UBE3C: variants seen among roughly 807,000 people sequenced by gnomAD.
The protein encoded by UBE3C is ubiquitin protein ligase E3C.
A neutral mutation model predicts 129.4 loss-of-function variants in UBE3C; 42 were observed. That is an observed-to-expected ratio of 0.32 (90% CI 0.25 to 0.42). UBE3C has a LOEUF of 0.42. UBE3C is among the 10% of genes least tolerant of loss of function. The pLI is 1.00. For synonymous variants in UBE3C, 510 were observed against 492.4 expected (o/e 1.04, Z -0.47); for missense variants, 1,049 against 1,319.1 (o/e 0.80, Z 3.17).
At chr7:157,259,753 C>T (rs1373914971) in intron 22 of UBE3C, among the ~76,000 whole-genome samples, 4 of 152,104 alleles carry the variant, frequency 2.6e-5, no homozygotes, top group Admixed American at 2.0e-4. Context: ...AGAAGTGGAG[C>T]GACCCAAAAC....
At chr7:157,242,094 G>C (rs1266006669) in intron 18 of UBE3C, among the ~76,000 whole-genome samples, 2 of 152,162 alleles carry the variant, frequency 1.3e-5, no homozygotes, top group Non-Finnish European at 1.5e-5. Context: ...ACAACTTTAC[G>C]AATATAATAA....
At position 157,258,882 on chromosome 7, in the gene UBE3C, A is replaced by G. The variant is rs77735825; in HGVS notation, c.3081+1838A>G. On this transcript the variant is annotated intron_variant, in intron 22 of 22. Coordinates refer to ENST00000348165, the MANE Select transcript of UBE3C (RefSeq NM_014671.3). ...ATAACTTCTAAACCCGCACTGACCA[A>G]TTGTTAACATTTTGCTACATTTACT... Among the ~76,000 whole-genome samples the G allele has an allele frequency of 3.5e-3, 533 of 152,332 alleles. 2 individuals are homozygous for G. The highest frequency in any genetic ancestry group is 0.012 in the African/African-American group (497 of 41,578).
chr7:157,205,870 C>A (rs1223009089), intron 11 of UBE3C, among the ~76,000 whole-genome samples: 1 of 152,170 alleles, frequency 6.6e-6, no homozygotes, highest in African/African-American at 2.4e-5. Flanking sequence ...GCAGTGCCCT[C>A]CCCTGAACCA....
chr7:157,248,631 C>T (rs370403608), intron 19 of UBE3C, 51 bp downstream of exon 19: 92 of 1,577,240 alleles, frequency 5.8e-5, no homozygotes, highest in Non-Finnish European at 7.6e-5. Context: ...GTAGCAGCAT[C>T]TCCTTGTGTG....
intron 10 of UBE3C, among the ~76,000 whole-genome samples, chr7:157,191,216 C>T (rs1207840646): frequency 6.6e-6 from 1 of 152,208 alleles, no homozygotes; most frequent in African/African-American, 2.4e-5. Context: ...CAGCGGTGCG[C>T]CTCGAAGCGC....
intron 11 of UBE3C, among the ~76,000 whole-genome samples, chr7:157,205,260 A>G (rs1037953709): frequency 6.6e-6 from 1 of 152,204 alleles, no homozygotes; most frequent in African/African-American, 2.4e-5. Flanking sequence ...TAAAGTAAAA[A>G]TGATGCATTC....
chr7:157,255,428 G>T (rs114011332), intron 21 of UBE3C, among the ~76,000 whole-genome samples: 1,722 of 152,288 alleles, frequency 0.011, 34 homozygotes, highest in African/African-American at 0.039. Context: ...GTATCCATGC[G>T]TATGTATCTC....
At chr7:157,191,515 A>G (rs1808966390) in intron 10 of UBE3C, among the ~76,000 whole-genome samples, 1 of 152,092 alleles carries the variant, frequency 6.6e-6, no homozygotes, top group Non-Finnish European at 1.5e-5. Flanking sequence ...GGTCTCGAAC[A>G]CCTGGGCCCA....
chr7:157,172,345 A>T (rs1234098155), intron 4 of UBE3C, among the ~76,000 whole-genome samples: 1 of 152,172 alleles, frequency 6.6e-6, no homozygotes, highest in Non-Finnish European at 1.5e-5. Flanking sequence ...GGTTAAATAT[A>T]TAATTTATTT....
At position 157,184,072 on chromosome 7, in the gene UBE3C, G is replaced by A. The variant is rs12112208; in HGVS notation, c.1143+43G>A. On this transcript the variant is annotated intron_variant, in intron 9 of 22. Coordinates refer to ENST00000348165, the MANE Select transcript of UBE3C (RefSeq NM_014671.3). ...CATCTGGGGGGCTGCGATGCAGGCA[G>A]CCCCGTCGGATCTTCTAGCTTTCTG... The A allele has an allele frequency of 2.5e-3, 4,065 of 1,596,420 alleles. 93 individuals carry two copies. The African/African-American group carries it at 0.05, about 20-fold the overall frequency.
chr7:157,164,352 T>C, intron 2 of UBE3C: 5 of 456,612 alleles, frequency 1.1e-5, no homozygotes, highest in South Asian at 7.7e-5. Context: ...AGATAGGGTC[T>C]TGCTTTGCTG....
At chr7:157,214,582 A>G (rs1277821545) in intron 13 of UBE3C, among the ~76,000 whole-genome samples, 6 of 152,244 alleles carry the variant, frequency 3.9e-5, no homozygotes, top group South Asian at 2.1e-4. Context: ...CATGGTAACT[A>G]TTAAATCTGG....
chr7:157,225,957 A>C (rs1795868141), intron 17 of UBE3C, among the ~76,000 whole-genome samples: 1 of 152,210 alleles, frequency 6.6e-6, no homozygotes, highest in African/African-American at 2.4e-5. Context: ...CTCCAAAAAA[A>C]AGTGTAGCAA....
intron 17 of UBE3C, among the ~76,000 whole-genome samples, chr7:157,227,887 A>G (rs1326637804): frequency 6.6e-6 from 1 of 152,200 alleles, no homozygotes; most frequent in Non-Finnish European, 1.5e-5. Flanking sequence ...ATCTTCTCAT[A>G]TTGTTTATAC....
chr7:157,179,893 C>T (rs1808624080), intron 6 of UBE3C, among the ~76,000 whole-genome samples: 1 of 152,058 alleles, frequency 6.6e-6, no homozygotes, highest in Non-Finnish European at 1.5e-5. Flanking sequence ...AAACAGTATT[C>T]CGAGTTAATT....
At chr7:157,237,679 C>A (rs1363370653) in intron 18 of UBE3C, among the ~76,000 whole-genome samples, 1 of 152,210 alleles carries the variant, frequency 6.6e-6, no homozygotes, top group Non-Finnish European at 1.5e-5. Flanking sequence ...TAGAAGCACA[C>A]ACTCTTGCTG....
At chr7:157,244,608 T>C (rs1796429035) in intron 18 of UBE3C, among the ~76,000 whole-genome samples, 1 of 152,248 alleles carries the variant, frequency 6.6e-6, no homozygotes, top group Admixed American at 6.5e-5. Context: ...TTATTGATTC[T>C]TAATGTAGTA....
rs1324561715 is a variant in UBE3C, at chr7:157,225,588, A to G, written c.2233+49A>G. 7 of 1,500,088 alleles carry G rather than the reference A, an allele frequency of 4.7e-6. No individual in the cohort carries two copies. In the South Asian group the frequency reaches 9.6e-5, roughly 21 times the overall value. 92.9% of individuals were successfully genotyped at this position (1,500,088 alleles called of 1,614,324 possible). A position where few individuals can be genotyped will look rare whatever the true frequency, so the allele number is the denominator to read the frequency against. Reference sequence around the variant, plus strand: ...TTATTTGGCAGGTGGAGGCTAGGGAATTGTTTTAGAAAATGGTGGTTCTTT... The same window carrying G: ...TTATTTGGCAGGTGGAGGCTAGGGAGTTGTTTTAGAAAATGGTGGTTCTTT... On this transcript the variant is annotated intron_variant, in intron 17 of 22. Transcript: ENST00000348165.
At position 157,248,463 on chromosome 7, in the gene UBE3C, C is replaced by A. The variant is rs147794730; in HGVS notation, c.2577C>A (p.Leu859=). Residue 859 remains leucine, a synonymous_variant, in exon 19 of 23, where the codon CTC becomes CTA. Transcript: ENST00000348165. ...GTGCCGACGTGGACATTCACCACCT[C>A]GCCTCCCTAGACCCTGAGGTGTATA... ...GTSADVDIHH[L]ASLDPEVYKN... 1.9e-6 allele frequency: 3 copies of A among 1,613,630 alleles called. No individual in the cohort carries two copies. Among genetic ancestry groups the A allele is most frequent in the Non-Finnish European group, 2.5e-6 (3 of 1,180,026 alleles).
Sources: allele counts gnomAD v4.1 joint callset (sites outside exome capture counted in the v4.1 genomes callset), GRCh38; gene constraint gnomAD v4.1.1; transcripts MANE v1.5; gene names NCBI Gene and HGNC (gene_info 2026-07-23, HGNC 2026-07-21).